The following ZRANB3 variants were observed in gnomAD, a reference collection of about 807,000 sequenced individuals.
ZRANB3 encodes the protein zinc finger RANBP2-type containing 3.
In ZRANB3, 125 loss-of-function variants were observed where a neutral mutation model predicts 133.8. The observed-to-expected ratio is 0.93, with a 90% CI of 0.81 to 1.08. The LOEUF is 1.08. Among genes scored for constraint, ZRANB3 ranks in the 50% least tolerant of loss-of-function variants. ZRANB3 has a pLI of 0.00. For synonymous variants in ZRANB3, 387 were observed against 432.7 expected, an observed-to-expected ratio of 0.89 and a Z score of 1.31; for missense variants, 1,229 against 1,275.5, an observed-to-expected ratio of 0.96 and a Z score of 0.56.
intron 2 of ZRANB3, among the ~76,000 whole-genome samples, chr2:135,397,240 T>C (rs1478820378): frequency 6.6e-6 from 1 of 151,972 alleles, no homozygotes; most frequent in African/African-American, 2.4e-5. Context: ...CGTACCAATC[T>C]GAGACCAACG....
chr2:135,228,585 G>A (rs995596076), intron 13 of ZRANB3, among the ~76,000 whole-genome samples: 3 of 152,124 alleles, frequency 2.0e-5, no homozygotes, highest in Admixed American at 6.6e-5. Flanking sequence ...GAAAGATGGT[G>A]GCTTTAGAGT....
At chr2:135,277,068 T>C (rs1680860179) in intron 8 of ZRANB3, among the ~76,000 whole-genome samples, 1 of 152,216 alleles carries the variant, frequency 6.6e-6, no homozygotes, top group Non-Finnish European at 1.5e-5. Context: ...CCTATATTGA[T>C]GATAGGTATA....
At chr2:135,235,678 G>A (rs1300283421) in intron 12 of ZRANB3, among the ~76,000 whole-genome samples, 4 of 149,964 alleles carry the variant, frequency 2.7e-5, no homozygotes, top group Admixed American at 2.0e-4. Context: ...CAGAACCAAA[G>A]ACAAAAACCA....
At chr2:135,373,776 G>A (rs1296645092) in intron 3 of ZRANB3, among the ~76,000 whole-genome samples, 1 of 100,138 alleles carries the variant, frequency 1.0e-5, no homozygotes, top group Non-Finnish European at 1.8e-5. Flanking sequence ...TAAGACTCTT[G>A]TCAAAAAAAA....
chr2:135,362,633 G>A (rs1685744903), intron 3 of ZRANB3, among the ~76,000 whole-genome samples: 3 of 152,130 alleles, frequency 2.0e-5, no homozygotes. Context: ...CTGAGAGGCT[G>A]GATATAAGCA....
chr2:135,435,429 C>T (rs1689490503), intron 2 of ZRANB3, among the ~76,000 whole-genome samples: 1 of 152,128 alleles, frequency 6.6e-6, no homozygotes, highest in Admixed American at 6.5e-5. Flanking sequence ...GTCTTTGTTA[C>T]TGTGAATAGT....
chr2:135,206,156 T>C (rs999324630), intron 19 of ZRANB3, among the ~76,000 whole-genome samples: 1 of 152,150 alleles, frequency 6.6e-6, no homozygotes, highest in Non-Finnish European at 1.5e-5. Flanking sequence ...CTATAATAGA[T>C]TAAATGAAGC....
chr2:135,493,164 T>C (rs1692488642), intron 2 of ZRANB3, among the ~76,000 whole-genome samples: 1 of 29,630 alleles, frequency 3.4e-5, no homozygotes, highest in African/African-American at 1.2e-4. Flanking sequence ...TATATATATA[T>C]ATATATATAA....
At chr2:135,252,489 T>C (rs902607502) in intron 12 of ZRANB3, among the ~76,000 whole-genome samples, 2 of 152,230 alleles carry the variant, frequency 1.3e-5, no homozygotes, top group African/African-American at 2.4e-5. Context: ...AAATATCATA[T>C]AACATATAGA....
chr2:135,296,660 T>G (rs1438505940), intron 8 of ZRANB3, among the ~76,000 whole-genome samples: 1 of 152,174 alleles, frequency 6.6e-6, no homozygotes, highest in Non-Finnish European at 1.5e-5. Context: ...GGCGCTCTGA[T>G]TTTTAGTGTT....
At chr2:135,222,560 C>G (rs1694597178) in intron 15 of ZRANB3, among the ~76,000 whole-genome samples, 1 of 152,060 alleles carries the variant, frequency 6.6e-6, no homozygotes, top group Non-Finnish European at 1.5e-5. Flanking sequence ...CACTCTCATT[C>G]TTTCACAAAT....
chr2:135,252,088 A>G (rs60605662), intron 12 of ZRANB3, among the ~76,000 whole-genome samples: 12,689 of 152,178 alleles, frequency 0.083, 1,211 homozygotes, highest in African/African-American at 0.23. Context: ...TCCCAGTCTC[A>G]GGTATGTCTT....
chr2:135,390,296 T>C (rs1299137885), intron 3 of ZRANB3, among the ~76,000 whole-genome samples: 2 of 152,142 alleles, frequency 1.3e-5, no homozygotes, highest in Admixed American at 6.5e-5. Flanking sequence ...AAGAATATCA[T>C]AGTTCATGTA....
intron 2 of ZRANB3, among the ~76,000 whole-genome samples, chr2:135,431,001 T>C (rs1390527590): frequency 6.6e-6 from 1 of 151,728 alleles, no homozygotes; most frequent in Non-Finnish European, 1.5e-5. Flanking sequence ...TCAGCTTGAA[T>C]CAACGGCTCA....
At chr2:135,348,258 C>CA (rs552945986) in intron 5 of ZRANB3, among the ~76,000 whole-genome samples, 5,937 of 117,530 alleles carry the variant, frequency 0.051, 395 homozygotes, top group African/African-American at 0.17. Context: ...GACTCTGTCT[C>CA]AAAAAAAAAA....
chr2:135,435,649 A>G (rs1177675833), intron 2 of ZRANB3, among the ~76,000 whole-genome samples: 2 of 152,000 alleles, frequency 1.3e-5, no homozygotes, highest in African/African-American at 4.8e-5. Context: ...CCTTGCCCAC[A>G]TCTGTTATTT....
At chr2:135,261,543 T>C (rs2105107489) in intron 12 of ZRANB3, among the ~76,000 whole-genome samples, 1 of 152,322 alleles carries the variant, frequency 6.6e-6, no homozygotes, top group South Asian at 2.1e-4. Context: ...TATTGGAAAA[T>C]CTATAAGACA....
At chr2:135,274,445 C>T (rs955213234) in intron 9 of ZRANB3, among the ~76,000 whole-genome samples, 3 of 152,280 alleles carry the variant, frequency 2.0e-5, no homozygotes, top group South Asian at 4.1e-4. Flanking sequence ...TCTTTCCTCT[C>T]TATGTCACCC....
intron 3 of ZRANB3, among the ~76,000 whole-genome samples, chr2:135,376,932 A>C (rs534588716): frequency 6.6e-6 from 1 of 152,356 alleles, no homozygotes; most frequent in East Asian, 1.9e-4. Flanking sequence ...AAATATCCTC[A>C]CTGGAGGATG....
Sources: gnomAD v4.1 joint callset for allele counts (sites outside exome capture counted in the v4.1 genomes callset) on GRCh38, gnomAD v4.1.1 for gene constraint, MANE v1.5 for transcripts, NCBI Gene and HGNC (gene_info 2026-07-23, HGNC 2026-07-21) for gene names.